PTPRD: variants seen among roughly 807,000 people sequenced by gnomAD.
PTPRD encodes the protein protein tyrosine phosphatase receptor type D, also known as receptor-type tyrosine-protein phosphatase delta.
Under a neutral mutation model 214.5 loss-of-function variants are expected in PTPRD, and 34 were observed. The observed-to-expected ratio is 0.16, with a 90% confidence interval of 0.12 to 0.21. The LOEUF (loss-of-function observed/expected upper bound fraction) is 0.21, where lower values mean the gene tolerates loss of function less well. PTPRD is among the 10% of genes least tolerant of loss of function. The pLI, the probability that PTPRD is intolerant of heterozygous loss-of-function variation, is 1.00. For synonymous variants in PTPRD, 1,128 were observed against 845.7 expected (o/e 1.33, Z -5.79); for missense variants, 2,545 against 2,398.7 (o/e 1.06, Z -1.27).
intron 9 of PTPRD, among the ~76,000 whole-genome samples, chr9:9,266,261 A>G (rs1406956078): frequency 6.6e-6 from 1 of 151,410 alleles, no homozygotes; most frequent in African/African-American, 2.4e-5. Context: ...TATATAAAGC[A>G]AATATTAACA....
intron 3 of PTPRD, among the ~76,000 whole-genome samples, chr9:10,336,579 C>T (rs2096847209): frequency 6.6e-6 from 1 of 151,478 alleles, no homozygotes; most frequent in Non-Finnish European, 1.5e-5. Flanking sequence ...TTGACAAAAT[C>T]CAACTTCCAC....
chr9:10,557,745 GA>G (rs1157247669), intron 2 of PTPRD, among the ~76,000 whole-genome samples: 1 of 152,128 alleles, frequency 6.6e-6, no homozygotes, highest in Non-Finnish European at 1.5e-5. Context: ...AGGCAGCTGG[GA>G]TAACTCCTCG....
intron 7 of PTPRD, among the ~76,000 whole-genome samples, chr9:9,687,979 G>C (rs967885808): frequency 1.3e-5 from 2 of 151,758 alleles, no homozygotes; most frequent in South Asian, 2.1e-4. Context: ...TTTCATAATA[G>C]TGAGGGAATT....
chr9:9,713,980 C>A (rs1207040341), intron 7 of PTPRD, among the ~76,000 whole-genome samples: 1 of 150,972 alleles, frequency 6.6e-6, no homozygotes, highest in African/African-American at 2.4e-5. Context: ...CACCAGCAAG[C>A]TGGTTTTTAT....
At chr9:8,601,021 C>A (rs186962636) in intron 14 of PTPRD, among the ~76,000 whole-genome samples, 1 of 152,092 alleles carries the variant, frequency 6.6e-6, no homozygotes, top group Non-Finnish European at 1.5e-5. Flanking sequence ...AAGAGCTGAT[C>A]GCCTTGAAGG....
intron 11 of PTPRD, among the ~76,000 whole-genome samples, chr9:8,816,147 C>A (rs1045986575): frequency 1.3e-5 from 2 of 152,138 alleles, no homozygotes; most frequent in African/African-American, 4.8e-5. Flanking sequence ...ACATCATTCA[C>A]AGGACAAATT....
intron 5 of PTPRD, among the ~76,000 whole-genome samples, chr9:9,797,674 T>C (rs1303137613): frequency 6.6e-6 from 1 of 151,844 alleles, no homozygotes; most frequent in Non-Finnish European, 1.5e-5. Context: ...GGTGAAACCC[T>C]GTCTCTACTA....
At chr9:10,425,365 G>T (rs2098603465) in intron 2 of PTPRD, among the ~76,000 whole-genome samples, 1 of 151,836 alleles carries the variant, frequency 6.6e-6, no homozygotes, top group Non-Finnish European at 1.5e-5. Context: ...ACCTATCATA[G>T]TCACCAGAAC....
intron 2 of PTPRD, among the ~76,000 whole-genome samples, chr9:10,405,927 C>G (rs1457080770): frequency 6.6e-6 from 1 of 151,226 alleles, no homozygotes; most frequent in Non-Finnish European, 1.5e-5. Context: ...GTGTTGAGTT[C>G]TACAGCATAT....
intron 2 of PTPRD, among the ~76,000 whole-genome samples, chr9:10,486,809 T>C (rs1289021778): frequency 6.6e-6 from 1 of 152,212 alleles, no homozygotes; most frequent in Non-Finnish European, 1.5e-5. Context: ...TGTAAATGTT[T>C]ATTAGTTCCA....
intron 5 of PTPRD, among the ~76,000 whole-genome samples, chr9:9,768,840 T>C (rs758494625): frequency 6.6e-6 from 1 of 152,140 alleles, no homozygotes; most frequent in Non-Finnish European, 1.5e-5. Context: ...CAGAGAAACG[T>C]GGTACGAACG....
At chr9:9,572,514 G>A (rs932817518) in intron 8 of PTPRD, among the ~76,000 whole-genome samples, 4 of 147,608 alleles carry the variant, frequency 2.7e-5, no homozygotes, top group Non-Finnish European at 4.5e-5. Context: ...TTTATTAATT[G>A]GTAGTTTTAA....
chr9:9,495,999 G>C (rs115816547), intron 8 of PTPRD, among the ~76,000 whole-genome samples: 1 of 152,106 alleles, frequency 6.6e-6, no homozygotes, highest in Non-Finnish European at 1.5e-5. Context: ...GTCAGCTCCC[G>C]TAGCAGCTGG....
intron 17 of PTPRD, among the ~76,000 whole-genome samples, chr9:8,525,713 G>A: frequency 6.6e-6 from 1 of 152,148 alleles, no homozygotes. Flanking sequence ...GGCATGGCCT[G>A]TGCCACAAGG....
chr9:9,293,364 A>G (rs1447884166), intron 9 of PTPRD, among the ~76,000 whole-genome samples: 3 of 146,774 alleles, frequency 2.0e-5, no homozygotes, highest in African/African-American at 7.5e-5. Flanking sequence ...TTCCTTTTAC[A>G]TACTCCCATC....
At chr9:10,050,616 C>T (rs1434515100) in intron 3 of PTPRD, among the ~76,000 whole-genome samples, 1 of 114,850 alleles carries the variant, frequency 8.7e-6, no homozygotes, top group African/African-American at 3.4e-5. Context: ...AAAACTAACT[C>T]TAACTTGATT....
chr9:10,099,982 CAT>C (rs1417921044), intron 3 of PTPRD, among the ~76,000 whole-genome samples: 1 of 151,630 alleles, frequency 6.6e-6, no homozygotes, highest in Non-Finnish European at 1.5e-5. Flanking sequence ...CATATATAAA[CAT>C]GTGTGATTTT....
At chr9:8,818,261 G>A (rs2096964048) in intron 11 of PTPRD, among the ~76,000 whole-genome samples, 1 of 152,078 alleles carries the variant, frequency 6.6e-6, no homozygotes, top group Non-Finnish European at 1.5e-5. Flanking sequence ...TTACATTTGT[G>A]TGGCCACTGG....
At position 9,719,552 on chromosome 9, in the gene PTPRD, G is replaced by GC. The variant is rs2097898282; in HGVS notation, c.-287+14980dup. 6.4e-5 allele frequency among the ~76,000 whole-genome samples: 7 copies of GC among 109,900 alleles called. No homozygotes were observed. In the South Asian group the frequency reaches 1.7e-3, roughly 27 times the overall value. The allele number at this position is 109,900 out of a possible 152,430, so 72.1% of individuals were successfully genotyped here. A position where few individuals can be genotyped will look rare whatever the true frequency, so the allele number is the denominator to read the frequency against. ...TCCCCAAACAGGAAGCAGCAGCGAG[G>GC]CAAGCCAGCCCAGGATTTGCAGGCC... is the stretch of plus-strand genomic sequence containing the variant. On this transcript the variant is annotated intron_variant, in intron 7 of 45. Transcript: ENST00000381196.
Sources: allele counts gnomAD v4.1 joint callset (sites outside exome capture counted in the v4.1 genomes callset), GRCh38; gene constraint gnomAD v4.1.1; transcripts MANE v1.5; gene names NCBI Gene and HGNC (gene_info 2026-07-23, HGNC 2026-07-21).